The following MCTP1 variants were observed in gnomAD, a reference collection of about 807,000 sequenced individuals.
The protein encoded by MCTP1 is multiple C2 and transmembrane domain-containing protein 1.
A neutral mutation model predicts 120.6 loss-of-function variants in MCTP1; 69 were observed. The observed-to-expected ratio is 0.57, with a 90% confidence interval of 0.47 to 0.70. MCTP1 has a LOEUF of 0.70. Ranked by LOEUF, MCTP1 falls within the 30% of genes least tolerant of loss-of-function variation. MCTP1 has a pLI of 0.00. For missense variants in MCTP1, 1,203 were observed against 1,248.8 expected, an observed-to-expected ratio of 0.96 and a Z score of 0.55; for synonymous variants, 529 against 493.1, an observed-to-expected ratio of 1.07 and a Z score of -0.96.
chr5:94,952,217 C>T (rs1382079151), intron 3 of MCTP1, among the ~76,000 whole-genome samples: 2 of 141,274 alleles, frequency 1.4e-5, no homozygotes, highest in African/African-American at 5.3e-5. Context: ...TTTTCTTTAG[C>T]CAGTGTCCAA....
At chr5:95,008,186 C>T (rs1835137945) in intron 2 of MCTP1, among the ~76,000 whole-genome samples, 1 of 152,098 alleles carries the variant, frequency 6.6e-6, no homozygotes, top group African/African-American at 2.4e-5. Flanking sequence ...AATAATGCTC[C>T]CATCAGCACA....
chr5:94,857,404 G>A (rs1794918761), intron 17 of MCTP1, among the ~76,000 whole-genome samples: 1 of 151,512 alleles, frequency 6.6e-6, no homozygotes, highest in Non-Finnish European at 1.5e-5. Context: ...TTAAACTTAG[G>A]TCATACATTC....
intron 1 of MCTP1, among the ~76,000 whole-genome samples, chr5:95,096,432 T>C (rs1756271798): frequency 6.6e-6 from 1 of 152,118 alleles, no homozygotes; most frequent in South Asian, 2.1e-4. Context: ...CAGAGAGACT[T>C]CCTTAGAGTC....
intron 19 of MCTP1, among the ~76,000 whole-genome samples, chr5:94,767,834 G>A (rs570016070): frequency 6.6e-6 from 1 of 152,102 alleles, no homozygotes; most frequent in Non-Finnish European, 1.5e-5. Context: ...ACTACACAAA[G>A]CAGTCTACAG....
intron 19 of MCTP1, among the ~76,000 whole-genome samples, chr5:94,739,754 T>C (rs1360745627): frequency 6.6e-6 from 1 of 152,186 alleles, no homozygotes; most frequent in African/African-American, 2.4e-5. Context: ...AACCTCCACC[T>C]CCCAGGTTCA....
At chr5:95,198,498 T>G (rs1474723945) in intron 1 of MCTP1, among the ~76,000 whole-genome samples, 1 of 152,204 alleles carries the variant, frequency 6.6e-6, no homozygotes, top group African/African-American at 2.4e-5. Context: ...AATTGTAGAC[T>G]AATGTAATGT....
intron 1 of MCTP1, among the ~76,000 whole-genome samples, chr5:95,072,723 G>A (rs983780733): frequency 6.0e-5 from 9 of 149,906 alleles, no homozygotes; most frequent in Admixed American, 6.7e-5. Flanking sequence ...TCCAAATTTG[G>A]ACTCTGCTTA....
chr5:95,058,073 CT>C (rs1428323228), intron 1 of MCTP1, among the ~76,000 whole-genome samples: 1 of 152,168 alleles, frequency 6.6e-6, no homozygotes, highest in East Asian at 1.9e-4. Flanking sequence ...GACTGAAATC[CT>C]TTTCAACTCA....
At chr5:95,118,031 G>A (rs1757947626) in intron 1 of MCTP1, among the ~76,000 whole-genome samples, 1 of 152,120 alleles carries the variant, frequency 6.6e-6, no homozygotes, top group Non-Finnish European at 1.5e-5. Context: ...GGGGTGAGGT[G>A]GAGGGAGGGA....
chr5:94,708,680 T>A (rs1283696310), intron 21 of MCTP1, 71 bp from the exon 22 acceptor site: 3 of 943,818 alleles, frequency 3.2e-6, no homozygotes, highest in Non-Finnish European at 5.1e-6. Context: ...AGATCTAACT[T>A]GTATGCCTTG....
intron 1 of MCTP1, among the ~76,000 whole-genome samples, chr5:95,180,687 T>C (rs756348093): frequency 6.6e-5 from 10 of 152,146 alleles, no homozygotes; most frequent in Non-Finnish European, 1.2e-4. Flanking sequence ...TTAAATAGCA[T>C]TTATATATCA....
chr5:94,882,074 A>G (rs1800214541), intron 12 of MCTP1, among the ~76,000 whole-genome samples: 1 of 152,184 alleles, frequency 6.6e-6, no homozygotes, highest in Non-Finnish European at 1.5e-5. Flanking sequence ...TTAAAGCAAG[A>G]TATCACAGTT....
At chr5:95,211,296 T>C (rs1752341385) in intron 1 of MCTP1, among the ~76,000 whole-genome samples, 2 of 152,230 alleles carry the variant, frequency 1.3e-5, no homozygotes, top group African/African-American at 4.8e-5. Context: ...ATTCTCCCTG[T>C]CACTTTCAGG....
rs1451570372 is a variant in MCTP1, at chr5:94,821,342, A to G, written c.2437-22210T>C. 2.0e-5 allele frequency among the ~76,000 whole-genome samples: 3 copies of G among 152,242 alleles called. No individual in the cohort carries two copies. In the East Asian group the frequency reaches 5.8e-4, roughly 29 times the overall value. On this transcript the variant is annotated intron_variant, in intron 17 of 22. Transcript: ENST00000515393. ...TAATGGGCTTAAAATAGAAATATCA[A>G]GAAAATTGTGAATCATGTATCTGAT... is the stretch of plus-strand genomic sequence containing the variant.
chr5:95,284,082 G>C lies in MCTP1; in HGVS notation c.494C>G (p.Ser165Cys), dbSNP rs201538284. ...SAPSSSSASSSLSSSPQPPPR... is the reference protein window; with the variant it reads ...SAPSSSSASSCLSSSPQPPPR... The stretch of plus-strand genomic sequence containing the variant: ...GGGAGGCTGGGGCGAGGAGGACAGG[G>C]AGGATGAGGCGGAGGAAGAGGAAGG... The change falls in exon 1 of 23, where the codon TCC (serine) becomes TGC (cysteine). Residue 165 changes from serine (S) to cysteine (C), a missense_variant. Ser to Cys is a moderately radical substitution (Grantham distance 112). Coordinates refer to ENST00000515393, the MANE Select transcript of MCTP1 (RefSeq NM_024717.7). This position sits in a 1 kb window ranked among gnomAD's most constrained non-coding sequence, Gnocchi z 5.2. The C allele has an allele frequency of 1.0e-5, 16 of 1,550,446 alleles. No individual in the cohort carries two copies. Among genetic ancestry groups the C allele is most frequent in the African/African-American group, 1.4e-5 (1 of 72,768 alleles).
intron 1 of MCTP1, among the ~76,000 whole-genome samples, chr5:95,046,122 G>A (rs1304413898): frequency 6.6e-6 from 1 of 152,154 alleles, no homozygotes; most frequent in East Asian, 1.9e-4. Flanking sequence ...GTGAGCCGAT[G>A]AACTCTGAGA....
chr5:94,817,799 T>C (rs940297098), intron 17 of MCTP1, among the ~76,000 whole-genome samples: 2 of 152,200 alleles, frequency 1.3e-5, no homozygotes, highest in African/African-American at 4.8e-5. Context: ...TGGCCCTTTT[T>C]AGGAACTGTT....
intron 17 of MCTP1, among the ~76,000 whole-genome samples, chr5:94,824,052 A>T (rs1786340620): frequency 6.6e-6 from 1 of 152,148 alleles, no homozygotes; most frequent in South Asian, 2.1e-4. Context: ...CTCTTGCCTG[A>T]TTGCCCTGGC....
chr5:95,139,850 G>T (rs1158777916), intron 1 of MCTP1, among the ~76,000 whole-genome samples: 3 of 152,090 alleles, frequency 2.0e-5, no homozygotes, highest in African/African-American at 7.2e-5. Flanking sequence ...ATAAATGGTT[G>T]AATAATAAAT....
Sources: allele counts gnomAD v4.1 joint callset (sites outside exome capture counted in the v4.1 genomes callset), GRCh38; gene constraint gnomAD v4.1.1; non-coding constraint Gnocchi (gnomAD v3.1); transcripts MANE v1.5; gene names NCBI Gene and HGNC (gene_info 2026-07-23, HGNC 2026-07-21).